Variants in RNF185 observed in about 807,000 individuals in gnomAD.
RNF185 encodes the protein ring finger protein 185, also known as E3 ubiquitin-protein ligase RNF185.
Under a neutral mutation model 24.9 loss-of-function variants are expected in RNF185, and 13 were observed. The observed-to-expected ratio is 0.52, with a 90% CI of 0.34 to 0.83. RNF185 has a LOEUF of 0.83. RNF185 is among the 40% of genes least tolerant of loss of function. RNF185 has a pLI of 0.01. For missense variants in RNF185, 184 were observed against 244.7 expected (o/e 0.75, Z 1.65); for synonymous variants, 79 against 90.3 (o/e 0.88, Z 0.71).
chr22:31,180,907 CTCTCTCTCTG>C (rs948014171), intron 1 of RNF185, among the ~76,000 whole-genome samples: 26 of 50,352 alleles, frequency 5.2e-4, no homozygotes, highest in South Asian at 4.1e-3. Flanking sequence ...GGCATTTTCT[CTCTCTCTCTG>C]TGTGTGTGTG....
intron 2 of RNF185, among the ~76,000 whole-genome samples, chr22:31,191,941 G>A (rs1397629232): frequency 1.3e-5 from 2 of 151,558 alleles, no homozygotes; most frequent in Non-Finnish European, 2.9e-5. Flanking sequence ...CTAGAAGTCA[G>A]GAGACTTTTT....
At chr22:31,168,399 G>T (rs1299057484) in intron 1 of RNF185, among the ~76,000 whole-genome samples, 1 of 152,156 alleles carries the variant, frequency 6.6e-6, no homozygotes, top group Non-Finnish European at 1.5e-5. Flanking sequence ...GCATATGTGA[G>T]AATTTTTCTT....
At chr22:31,203,127 A>G (rs1162205746) in intron 6 of RNF185, among the ~76,000 whole-genome samples, 6 of 152,194 alleles carry the variant, frequency 3.9e-5, no homozygotes, top group African/African-American at 1.4e-4. Flanking sequence ...AGAGTTCCAC[A>G]GCCAGGCTAG....
At chr22:31,171,379 C>T (rs2047928286) in intron 1 of RNF185, among the ~76,000 whole-genome samples, 1 of 150,286 alleles carries the variant, frequency 6.7e-6, no homozygotes, top group Non-Finnish European at 1.5e-5. Context: ...CAGGGTTTCA[C>T]TATGTTGGCC....
intron 1 of RNF185, among the ~76,000 whole-genome samples, chr22:31,184,520 C>T (rs2048077221): frequency 6.6e-6 from 1 of 151,622 alleles, no homozygotes; most frequent in Non-Finnish European, 1.5e-5. Flanking sequence ...GGGTGGCGGC[C>T]GGGCAGAGGC....
chr22:31,163,039 C>G (rs1923679236), intron 1 of RNF185, among the ~76,000 whole-genome samples: 1 of 152,182 alleles, frequency 6.6e-6, no homozygotes, highest in Non-Finnish European at 1.5e-5. Flanking sequence ...GCTGGGATTA[C>G]AGGCGTGAGC....
At position 31,204,526 on chromosome 22, in the gene RNF185, C is replaced by G. The variant is rs1180643601; in HGVS notation, c.519C>G (p.Phe173Leu). Residue 173 changes from phenylalanine (F) to leucine (L), a missense_variant, in exon 7 of 7, where the codon TTC becomes TTG. By Grantham distance (22) the Phe-to-Leu change is conservative. Coordinates refer to ENST00000326132, the MANE Select transcript of RNF185 (RefSeq NM_152267.4). ...PGTPQYVDEQFLSRLFLFVAL... is the reference protein window; with the variant it reads ...PGTPQYVDEQLLSRLFLFVAL... ...CACCCCAGTATGTGGACGAGCAGTTCCTGTCACGCCTCTTCCTATTTGTGG... is the reference window on the plus strand; with the variant it reads ...CACCCCAGTATGTGGACGAGCAGTTGCTGTCACGCCTCTTCCTATTTGTGG... 8 of 1,611,008 alleles carry G rather than the reference C, an allele frequency of 5.0e-6. No homozygotes were observed. Among genetic ancestry groups the G allele is most frequent in the South Asian group, 1.1e-5 (1 of 91,008 alleles).
chr22:31,167,149 CAA>C (rs1260521248), intron 1 of RNF185, among the ~76,000 whole-genome samples: 1 of 151,970 alleles, frequency 6.6e-6, no homozygotes, highest in African/African-American at 2.4e-5. Context: ...ATGTACATAA[CAA>C]TATTTACTGT....
chr22:31,161,038 C>A (rs1923542731), intron 1 of RNF185, among the ~76,000 whole-genome samples: 1 of 152,188 alleles, frequency 6.6e-6, no homozygotes, highest in African/African-American at 2.4e-5. Context: ...ATGGTTAGCT[C>A]AGTAAAGAGA....
At chr22:31,160,976 T>C (rs1394178665) in intron 1 of RNF185, among the ~76,000 whole-genome samples, 1 of 152,202 alleles carries the variant, frequency 6.6e-6, no homozygotes, top group African/African-American at 2.4e-5. Context: ...TAGATATCCA[T>C]TCTTCGCTTT....
chr22:31,177,493 G>A (rs1403356756), intron 1 of RNF185, among the ~76,000 whole-genome samples: 1 of 151,964 alleles, frequency 6.6e-6, no homozygotes, highest in Non-Finnish European at 1.5e-5. Context: ...TTTCAAAGCT[G>A]GTTTATGTGT....
intron 4 of RNF185, among the ~76,000 whole-genome samples, chr22:31,195,916 G>T (rs1404238970): frequency 6.6e-6 from 1 of 152,214 alleles, no homozygotes; most frequent in Non-Finnish European, 1.5e-5. Flanking sequence ...GGCGGGAGGG[G>T]AAACAGGATC....
intron 6 of RNF185, among the ~76,000 whole-genome samples, chr22:31,203,173 GT>G (rs1482015660): frequency 6.6e-6 from 1 of 152,066 alleles, no homozygotes; most frequent in Non-Finnish European, 1.5e-5. Context: ...CACAGTCACA[GT>G]TTTCCCTTGT....
chr22:31,173,543 T>C (rs1161889223), intron 1 of RNF185, among the ~76,000 whole-genome samples: 1 of 152,104 alleles, frequency 6.6e-6, no homozygotes, highest in East Asian at 1.9e-4. Context: ...AACAGATCAC[T>C]GAGTTACCAT....
chr22:31,191,692 C>G (rs866550363), intron 2 of RNF185, among the ~76,000 whole-genome samples: 1 of 151,910 alleles, frequency 6.6e-6, no homozygotes, highest in South Asian at 2.1e-4. Flanking sequence ...ATTAGCTGGG[C>G]GTGGTGGCAC....
chr22:31,175,359 C>T (rs2047972385), intron 1 of RNF185, among the ~76,000 whole-genome samples: 1 of 150,062 alleles, frequency 6.7e-6, no homozygotes, highest in Non-Finnish European at 1.5e-5. Context: ...GAGGCTGATG[C>T]AGGAGAATTG....
At chr22:31,201,203 G>A (rs1236718749) in intron 5 of RNF185, among the ~76,000 whole-genome samples, 1 of 152,274 alleles carries the variant, frequency 6.6e-6, no homozygotes, top group African/African-American at 2.4e-5. Flanking sequence ...AGCCCTGTGA[G>A]TGCTGACTTA....
chr22:31,203,215 A>G (rs2048280932), intron 6 of RNF185, among the ~76,000 whole-genome samples: 1 of 152,194 alleles, frequency 6.6e-6, no homozygotes, highest in Non-Finnish European at 1.5e-5. Context: ...CATCCTGGAC[A>G]CAGATTCTTT....
intron 1 of RNF185, among the ~76,000 whole-genome samples, chr22:31,162,444 A>G (rs1235392454): frequency 6.6e-6 from 1 of 152,100 alleles, no homozygotes; most frequent in African/African-American, 2.4e-5. Context: ...GCTCTGAAAA[A>G]AGGATTTGAT....
Sources: allele counts gnomAD v4.1 joint callset (sites outside exome capture counted in the v4.1 genomes callset), GRCh38; gene constraint gnomAD v4.1.1; transcripts MANE v1.5; gene names NCBI Gene and HGNC (gene_info 2026-07-23, HGNC 2026-07-21).